The following ATP2B2 variants were observed in gnomAD, a reference collection of about 807,000 sequenced individuals.
ATP2B2 encodes ATPase plasma membrane Ca2+ transporting 2, also known as plasma membrane calcium-transporting ATPase 2.
ATP2B2 carries 15 observed loss-of-function variants against 120.0 expected under a neutral mutation model. The ratio of observed to expected loss-of-function variants is 0.12; its 90% confidence interval spans 0.08 to 0.19. The LOEUF is 0.19. Ranked by LOEUF, ATP2B2 falls within the 10% of genes least tolerant of loss-of-function variation. The probability of loss-of-function intolerance (pLI) is 1.00; values close to 1 mark genes in which losing one functional copy is unlikely to be tolerated. For synonymous variants in ATP2B2, 694 were observed against 700.3 expected (o/e 0.99, Z 0.14); for missense variants, 1,045 against 1,719.8 (o/e 0.61, Z 6.94).
intron 1 of ATP2B2, among the ~76,000 whole-genome samples, chr3:10,646,142 G>T (rs1461322684): frequency 4.6e-5 from 7 of 152,212 alleles, no homozygotes; most frequent in Non-Finnish European, 1.5e-5. Context: ...ATGTTTGTGA[G>T]AGCCTGTACA....
rs1391205346 is a variant in ATP2B2, at chr3:10,340,371, A to G, written c.3130-22T>C. The G allele has an allele frequency of 6.2e-7, 1 of 1,613,390 alleles. No homozygotes were observed. Among genetic ancestry groups the G allele is most frequent in the East Asian group, 2.2e-5 (1 of 44,878 alleles). ...CTATCTGGAGGTCACAGGGGAGCAG[A>G]GAAAGAGAGAGAGAGAGGCCATCAG... On this transcript the variant is annotated intron_variant, in intron 20 of 22. Coordinates refer to ENST00000360273, the MANE Select transcript of ATP2B2 (RefSeq NM_001001331.4). This position sits in a 1 kb window ranked among gnomAD's most constrained non-coding sequence, Gnocchi z 5.0.
In ATP2B2 at chr3:10,473,578, C is replaced by A. The variant is rs575864950; in HGVS notation, c.-319-23716G>T. 5.9e-5 allele frequency among the ~76,000 whole-genome samples: 9 copies of A among 152,268 alleles called. No homozygotes were observed. The South Asian group carries it at 1.9e-3, about 32-fold the overall frequency. On this transcript the variant is annotated intron_variant, in intron 1 of 22. Transcript: ENST00000360273. ...ACCCAGGAGGCAAGTTGGCAGTGAG[C>A]CAAGATTGCACCACTGCACTCCAGC...
intron 2 of ATP2B2, among the ~76,000 whole-genome samples, chr3:10,552,149 G>A (rs763730430): frequency 6.6e-6 from 1 of 152,218 alleles, no homozygotes; most frequent in Non-Finnish European, 1.5e-5. Context: ...CCCTTCCCAC[G>A]GCCGCCGCCT....
rs966649889 is a variant in ATP2B2 at position 10,554,435 on chromosome 3, C to T, written c.-414-20302G>A. ...GCTGACTTTAAGACAGGGGAGATCA[C>T]CCTGGATGATCTGGGTGGGCCAATG... On this transcript the variant is annotated intron_variant, in intron 2 of 21. Transcript: ENST00000646379. Among the ~76,000 whole-genome samples the T allele has an allele frequency of 3.3e-5, 5 of 152,252 alleles. No individual in the cohort carries two copies. The East Asian group carries it at 5.8e-4, about 18-fold the overall frequency.
intron 1 of ATP2B2, among the ~76,000 whole-genome samples, chr3:10,476,454 A>G (rs13068769): frequency 0.17 from 26,217 of 152,264 alleles, 3,043 homozygotes; most frequent in East Asian, 0.47. Flanking sequence ...AGACCCAGAA[A>G]GCATGGGAAC....
chr3:10,401,100 G>A (rs200452426), intron 4 of ATP2B2, 22 bp from the exon 5 acceptor site: 466 of 1,613,176 alleles, frequency 2.9e-4, no homozygotes, highest in Admixed American at 5.8e-4. Context: ...AAGGGCAGGG[G>A]AGTCAGCAGG....
At chr3:10,691,555 C>G (rs1472149152) in intron 1 of ATP2B2, among the ~76,000 whole-genome samples, 1 of 152,218 alleles carries the variant, frequency 6.6e-6, no homozygotes, top group African/African-American at 2.4e-5. Context: ...ACCCAGCTCA[C>G]GTTCACCTCT....
chr3:10,585,675 C>A (rs2068494922), intron 2 of ATP2B2, among the ~76,000 whole-genome samples: 1 of 151,920 alleles, frequency 6.6e-6, no homozygotes. Flanking sequence ...TCTGCACTCA[C>A]CATTCCCTCT....
intron 14 of ATP2B2, among the ~76,000 whole-genome samples, chr3:10,354,564 C>T (rs1413945221): frequency 1.3e-5 from 2 of 152,136 alleles, no homozygotes; most frequent in Non-Finnish European, 2.9e-5. Context: ...CCGGCAAATC[C>T]CAGACCGCTG....
intron 6 of ATP2B2, among the ~76,000 whole-genome samples, chr3:10,387,621 G>A (rs2061718313): frequency 6.6e-6 from 1 of 152,212 alleles, no homozygotes; most frequent in African/African-American, 2.4e-5. Context: ...TGAGCTTTTT[G>A]TTTGAGCATC....
At chr3:10,334,848 G>T (rs1288143439) in intron 22 of ATP2B2, among the ~76,000 whole-genome samples, 1 of 152,138 alleles carries the variant, frequency 6.6e-6, no homozygotes, top group African/African-American at 2.4e-5. Context: ...GTTTTGGATG[G>T]GGGTAGAGGC....
intron 3 of ATP2B2, among the ~76,000 whole-genome samples, chr3:10,520,351 G>C (rs1024697745): frequency 5.3e-5 from 8 of 152,246 alleles, no homozygotes; most frequent in Non-Finnish European, 1.0e-4. Context: ...CTGCCCTTGC[G>C]AGGTAATAGT....
rs140700654 is a variant in ATP2B2, at chr3:10,336,034, C to T, written c.3420+2142G>A. On this transcript the variant is annotated intron_variant, in intron 22 of 22. Transcript: ENST00000360273. ...TCATCCCCCTGGGCCTGATTGTGAC[C>T]GGCTGCCCCCCATGTCCTCTGGTGC... is the stretch of plus-strand genomic sequence containing the variant. The T allele has an allele frequency of 1.5e-4, 211 of 1,409,728 alleles. 2 individuals carry two copies. The East Asian group carries it at 4.8e-3, about 32-fold the overall frequency. The allele number at this position is 1,409,728 out of a possible 1,614,324, so 87.3% of individuals were successfully genotyped here. A position where few individuals can be genotyped will look rare whatever the true frequency, so the allele number is the denominator to read the frequency against.
chr3:10,679,419 T>A (rs2071328181), intron 1 of ATP2B2, among the ~76,000 whole-genome samples: 1 of 152,146 alleles, frequency 6.6e-6, no homozygotes, highest in South Asian at 2.1e-4. Flanking sequence ...ACCCAGACCA[T>A]CTCTAGGGAG....
intron 22 of ATP2B2, among the ~76,000 whole-genome samples, chr3:10,334,937 A>G (rs1015169252): frequency 6.6e-6 from 1 of 152,236 alleles, no homozygotes; most frequent in African/African-American, 2.4e-5. Flanking sequence ...CACTATGCCA[A>G]TTGGAGAAGA....
rs550251411 is a variant in ATP2B2 at position 10,585,553 on chromosome 3, C to T, written c.-415+34364G>A. Among the ~76,000 whole-genome samples the T allele has an allele frequency of 2.2e-4, 32 of 148,110 alleles. No homozygotes were observed. In the South Asian group the frequency reaches 3.7e-3, roughly 17 times the overall value. ...GAGCTCCATTCGCTGACCTGCAAGA[C>T]CCGACTCTACCCATCTCTGCAGCTT... On this transcript the variant is annotated intron_variant, in intron 2 of 21. Coordinates refer to the ATP2B2 transcript ENST00000646379.
intron 1 of ATP2B2, among the ~76,000 whole-genome samples, chr3:10,481,815 A>G (rs1450610396): frequency 2.0e-5 from 3 of 152,170 alleles, no homozygotes; most frequent in Non-Finnish European, 4.4e-5. Context: ...TGGCCTCCCA[A>G]AGTGCTGGGA....
intron 1 of ATP2B2, among the ~76,000 whole-genome samples, chr3:10,470,874 T>C (rs763308308): frequency 2.0e-5 from 3 of 151,994 alleles, no homozygotes; most frequent in Non-Finnish European, 4.4e-5. Context: ...TCTCGTAACC[T>C]GAGACAGGGA....
intron 1 of ATP2B2, among the ~76,000 whole-genome samples, chr3:10,481,058 G>A (rs933954194): frequency 6.6e-6 from 1 of 152,212 alleles, no homozygotes; most frequent in East Asian, 1.9e-4. Flanking sequence ...ACACTGGTAG[G>A]AAGTCTGCCT....
Sources: allele counts gnomAD v4.1 joint callset (sites outside exome capture counted in the v4.1 genomes callset), GRCh38; gene constraint gnomAD v4.1.1; non-coding constraint Gnocchi (gnomAD v3.1); transcripts MANE v1.5; gene names NCBI Gene and HGNC (gene_info 2026-07-23, HGNC 2026-07-21).